CLIP3: variants seen among roughly 807,000 people sequenced by gnomAD.
CLIP3 encodes CAP-Gly domain containing linker protein 3.
CLIP3 carries 15 observed loss-of-function variants against 59.4 expected under a neutral mutation model. The ratio of observed to expected loss-of-function variants is 0.25; its 90% CI spans 0.17 to 0.39. The LOEUF (loss-of-function observed/expected upper bound fraction) is 0.39. Ranked by LOEUF, CLIP3 falls within the 10% of genes least tolerant of loss-of-function variation. The pLI, the probability that CLIP3 is intolerant of heterozygous loss-of-function variation, is 1.00. For missense variants in CLIP3, 495 were observed against 765.7 expected (o/e 0.65, Z 4.17); for synonymous variants, 300 against 321.6 (o/e 0.93, Z 0.72).
At chr19:36,017,353 A>T (rs1163555424) in intron 12 of CLIP3, 33 bp downstream of exon 12, 1 of 1,606,222 alleles carries the variant, frequency 6.2e-7, no homozygotes, top group Admixed American at 1.7e-5. Context: ...CCCCAAACGT[A>T]CACTCCTCCC....
chr19:36,021,582 C>G (rs1006088703), intron 7 of CLIP3, among the ~76,000 whole-genome samples: 1 of 152,088 alleles, frequency 6.6e-6, no homozygotes, highest in Non-Finnish European at 1.5e-5. Context: ...TGCCACCATG[C>G]CTGGTTAATT....
intron 8 of CLIP3, 38 bp downstream of exon 8, chr19:36,019,132 AC>A: frequency 6.2e-7 from 1 of 1,612,178 alleles, no homozygotes; most frequent in Non-Finnish European, 8.5e-7. Flanking sequence ...CCGAGTGGAC[AC>A]CCAGCCACAC....
In CLIP3 at chr19:36,026,064, CG is replaced by C; in HGVS notation, c.681+82del. ...GGCATTTGTAGTATTTGGGGAGTCA[CG>C]GGAAACGCAGAGACCTGCTGGAGGG... On this transcript the variant is annotated intron_variant, in intron 6 of 13. Transcript: ENST00000360535. This position sits in a 1 kb window ranked among gnomAD's most constrained non-coding sequence, Gnocchi z 6.3. 1.9e-6 allele frequency: 2 copies of C among 1,026,504 alleles called. No individual in the cohort carries two copies. Among genetic ancestry groups the C allele is most frequent in the Non-Finnish European group, 3.0e-6 (2 of 663,448 alleles). 63.6% of individuals were successfully genotyped at this position (1,026,504 alleles called of 1,614,324 possible). A position where few individuals can be genotyped will look rare whatever the true frequency, so the allele number is the denominator to read the frequency against.
At chr19:36,022,022 G>A (rs529883572) in intron 7 of CLIP3, among the ~76,000 whole-genome samples, 69 of 152,188 alleles carry the variant, frequency 4.5e-4, no homozygotes, top group Non-Finnish European at 8.1e-4. Context: ...GGGACTACAG[G>A]CACCTGCCAC....
chr19:36,019,190 G>T lies in CLIP3; in HGVS notation c.1035C>A (p.Phe345Leu). ...NDGSVGGVRYFICPPKQGLFA... is the reference protein window; with the variant it reads ...NDGSVGGVRYLICPPKQGLFA... ...ACTAACCCTGCTTGGGAGGGCAGATGAAGTACCGAACGCCCCCAACGCTGC... is the reference window on the plus strand; with the variant it reads ...ACTAACCCTGCTTGGGAGGGCAGATTAAGTACCGAACGCCCCCAACGCTGC... The change falls in exon 8 of 14, where the codon TTC (phenylalanine) becomes TTA (leucine). Residue 345 changes from phenylalanine to leucine, a missense_variant. By Grantham distance (22) the Phe-to-Leu change is conservative (BLOSUM62 0). This residue lies in a region of CLIP3 where 194 missense variants were observed against 327.8 expected (regional missense o/e 0.59). Transcript: ENST00000360535. 1 of 1,614,012 alleles carries T rather than the reference G, an allele frequency of 6.2e-7. No homozygotes were observed. Among genetic ancestry groups the T allele is most frequent in the Non-Finnish European group, 8.5e-7 (1 of 1,180,036 alleles).
chr19:36,019,014 G>T lies in CLIP3; in HGVS notation c.1067C>A (p.Ser356Tyr). ...ICPPKQGLFA[S>Y]VSKISKAVDA... ...CACTGCCTTGGAGATCTTGGACACG[G>T]AGGCAAAGAGACCTAGGGGTACAGA... is the stretch of plus-strand genomic sequence containing the variant. The change falls in exon 9 of 14, where the codon TCC becomes TAC. Residue 356 changes from serine to tyrosine, a missense_variant. By Grantham distance (144) the Ser-to-Tyr change is moderately radical. This residue lies in a region of CLIP3 where 194 missense variants were observed against 327.8 expected (regional missense o/e 0.59). Transcript: ENST00000360535. The T allele has an allele frequency of 6.3e-7, 1 of 1,589,550 alleles. No individual in the cohort carries two copies. Among genetic ancestry groups the T allele is most frequent in the Non-Finnish European group, 8.6e-7 (1 of 1,166,912 alleles).
intron 2 of CLIP3, among the ~76,000 whole-genome samples, chr19:36,031,480 G>C (rs1969265408): frequency 6.6e-6 from 1 of 152,212 alleles, no homozygotes; most frequent in African/African-American, 2.4e-5. Flanking sequence ...GCTTGTCACA[G>C]AGTAGCAGCA....
At chr19:36,020,374 G>A (rs12981866) in intron 7 of CLIP3, among the ~76,000 whole-genome samples, 1,529 of 152,210 alleles carry the variant, frequency 0.01, 10 homozygotes, top group Non-Finnish European at 0.015. Flanking sequence ...AGGCCGAGGT[G>A]GGAGGATCAC....
At chr19:36,031,713 T>C (rs1180821011) in intron 2 of CLIP3, among the ~76,000 whole-genome samples, 1 of 152,246 alleles carries the variant, frequency 6.6e-6, no homozygotes, top group South Asian at 2.1e-4. Context: ...TTGCAGCAGC[T>C]TGTTTATGGT....
rs113712760 is a variant in CLIP3 at position 36,019,603 on chromosome 19, A to ATT, written c.919-299_919-298dup. On this transcript the variant is annotated intron_variant, in intron 7 of 13. Coordinates refer to ENST00000360535, the MANE Select transcript of CLIP3 (RefSeq NM_015526.3). ...GTAAATTTATTTATTTATTTATTTT[A>ATT]TTTATTTTTTTTTTTTTCGAGACAG... Among the ~76,000 whole-genome samples, 4 of 122,522 alleles carry ATT rather than the reference A, an allele frequency of 3.3e-5. No homozygotes were observed. The South Asian group carries it at 1.0e-3, about 31-fold the overall frequency. The allele number at this position is 122,522 out of a possible 152,430, so 80.4% of individuals were successfully genotyped here. A position where few individuals can be genotyped will look rare whatever the true frequency, so the allele number is the denominator to read the frequency against.
chr19:36,019,301 GC>G lies in CLIP3; in HGVS notation c.923del (p.Gly308AlafsTer197). On this transcript the variant is annotated frameshift_variant, in exon 8 of 14. Coordinates refer to ENST00000360535, the MANE Select transcript of CLIP3 (RefSeq NM_015526.3). LOFTEE classifies it high-confidence loss of function. Reference protein sequence around the residue: ...DRVLLDGQKTGTLRFCGTTEF... With the variant: ...DRVLLDGQKTXTLRFCGTTEF... ...CCGTGGTCCCACAGAACCGCAGTGT[GC>G]CCGTCTGGGGAGAGAAGGGAGGCGA... The G allele has an allele frequency of 6.2e-7, 1 of 1,611,348 alleles. No homozygotes were observed.
At chr19:36,027,368 A>T (rs1969142011) in intron 2 of CLIP3, 97 bp from the exon 3 acceptor site, 1 of 1,363,686 alleles carries the variant, frequency 7.3e-7, no homozygotes, top group Non-Finnish European at 9.8e-7. Context: ...TAGAGCCTCT[A>T]ATGCAGGGTC....
Position 36,017,469 on chromosome 19 carries a change from G to A in CLIP3, c.1452-19C>T. 2 of 1,613,980 alleles carry A rather than the reference G, an allele frequency of 1.2e-6. No individual in the cohort carries two copies. Among genetic ancestry groups the A allele is most frequent in the Non-Finnish European group, 1.7e-6 (2 of 1,179,896 alleles). On this transcript the variant is annotated intron_variant, in intron 11 of 13. Coordinates refer to ENST00000360535, the MANE Select transcript of CLIP3 (RefSeq NM_015526.3). ...GCCAATCCTGAGGAGACACGGGGAG[G>A]GGGAGAAGTCAGAGCCACAAAAGGC...
chr19:36,020,368 C>T (rs978767979), intron 7 of CLIP3, among the ~76,000 whole-genome samples: 9 of 151,728 alleles, frequency 5.9e-5, no homozygotes, highest in East Asian at 1.9e-4. Context: ...TCTGGGAGGC[C>T]GAGGTGGGAG....
rs201520671 is a variant in CLIP3, at chr19:36,024,443, C to T, written c.871G>A (p.Ala291Thr). 95 of 1,614,092 alleles carry T rather than the reference C, an allele frequency of 5.9e-5. No homozygotes were observed. The Admixed American group carries it at 6.7e-4, about 11-fold the overall frequency. Residue 291 changes from alanine (A) to threonine (T), a missense_variant, in exon 7 of 14, where the codon GCA (alanine) becomes ACA (threonine). Transcript: ENST00000360535. ...DNVPGNLMLS[A>T]LGLRLGDRVL... ...CGGTCTCCCAGGCGCAAGCCCAGTG[C>T]GCTAAGCATGAGATTGCCTGGGACG...
chr19:36,026,495 T>A lies in CLIP3; in HGVS notation c.562+91A>T. ...CTCCCGCTATCTCCTCAGATCACCG[T>A]CCTCCTTCCCCTCGCAGCCTGGCCT... is the stretch of plus-strand genomic sequence containing the variant. On this transcript the variant is annotated intron_variant, in intron 5 of 13. Coordinates refer to ENST00000360535, the MANE Select transcript of CLIP3 (RefSeq NM_015526.3). This position sits in a 1 kb window ranked among gnomAD's most constrained non-coding sequence, Gnocchi z 6.3. 1 of 1,542,528 alleles carries A rather than the reference T, an allele frequency of 6.5e-7. No homozygotes were observed. Among genetic ancestry groups the A allele is most frequent in the Non-Finnish European group, 8.8e-7 (1 of 1,132,408 alleles).
At chr19:36,028,594 G>A (rs1463972260) in intron 2 of CLIP3, among the ~76,000 whole-genome samples, 1 of 152,130 alleles carries the variant, frequency 6.6e-6, no homozygotes, top group Non-Finnish European at 1.5e-5. Flanking sequence ...CACATAGAAG[G>A]TGTCTCCAGG....
rs907294430 is a variant in CLIP3 at position 36,027,141 on chromosome 19, G to A, written c.297C>T (p.Ile99=). 19 of 1,607,756 alleles carry A rather than the reference G, an allele frequency of 1.2e-5. No homozygotes were observed. The highest frequency in any genetic ancestry group is 1.4e-5 in the Non-Finnish European group (16 of 1,177,512). The change falls in exon 3 of 14, where the codon ATC becomes ATT. Residue 99 remains isoleucine, a synonymous_variant. Coordinates refer to ENST00000360535, the MANE Select transcript of CLIP3 (RefSeq NM_015526.3). ...VPQVQHKIDV[I]GNEILRRGCH... is the part of the protein sequence containing the mutation. ...TCCCCAGTGTTCTCACCTCATTGCCGATGACGTCTATCTTGTGCTGGACTT... is the reference window on the plus strand; with the variant it reads ...TCCCCAGTGTTCTCACCTCATTGCCAATGACGTCTATCTTGTGCTGGACTT...
chr19:36,020,350 C>CCTA (rs1031094590), intron 7 of CLIP3, among the ~76,000 whole-genome samples: 1 of 152,072 alleles, frequency 6.6e-6, no homozygotes, highest in Non-Finnish European at 1.5e-5. Flanking sequence ...CACCTATAAT[C>CCTA]CTAGCACTCT....
Sources: gnomAD v4.1 joint callset for allele counts (sites outside exome capture counted in the v4.1 genomes callset) on GRCh38, gnomAD v4.1.1 for gene constraint, gnomAD v4.1.1 regional missense constraint, Gnocchi (gnomAD v3.1) non-coding constraint, MANE v1.5 for transcripts, NCBI Gene and HGNC (gene_info 2026-07-23, HGNC 2026-07-21) for gene names.